Variants in DGAT2 observed in about 807,000 individuals in gnomAD.
DGAT2 encodes the protein diacylglycerol O-acyltransferase 2.
DGAT2 carries 33 observed loss-of-function variants against 48.4 expected under a neutral mutation model. The observed-to-expected ratio is 0.68, with a 90% CI of 0.52 to 0.91. The LOEUF (loss-of-function observed/expected upper bound fraction) is 0.91. Among genes scored for constraint, DGAT2 ranks in the 40% least tolerant of loss-of-function variants. The pLI is 0.00. For synonymous variants in DGAT2, 191 were observed against 194.1 expected (o/e 0.98, Z 0.13); for missense variants, 446 against 493.7 (o/e 0.90, Z 0.92).
chr11:75,797,099 C>G, intron 5 of DGAT2, 59 bp from the exon 6 acceptor site: 7 of 1,417,434 alleles, frequency 4.9e-6, no homozygotes, highest in Non-Finnish European at 6.5e-6. Flanking sequence ...GACTGTGTGC[C>G]GGGGATGGGG....
intron 1 of DGAT2, among the ~76,000 whole-genome samples, chr11:75,782,102 G>GC (rs1414523937): frequency 6.6e-6 from 1 of 152,122 alleles, no homozygotes; most frequent in East Asian, 1.9e-4. Context: ...GGCTTCAGGG[G>GC]CCTGTCTGCA....
chr11:75,772,100 T>C (rs1944763614), intron 1 of DGAT2, among the ~76,000 whole-genome samples: 2 of 152,164 alleles, frequency 1.3e-5, no homozygotes, highest in South Asian at 4.1e-4. Flanking sequence ...AAGGGCTGAG[T>C]GCAGGGCTCT....
At chr11:75,781,295 G>T (rs1944860142) in intron 1 of DGAT2, among the ~76,000 whole-genome samples, 1 of 152,238 alleles carries the variant, frequency 6.6e-6, no homozygotes, top group Non-Finnish European at 1.5e-5. Context: ...TCTGGGTTTT[G>T]AAGGATGTAT....
chr11:75,777,762 G>A (rs1447963617), intron 1 of DGAT2, among the ~76,000 whole-genome samples: 2 of 152,158 alleles, frequency 1.3e-5, no homozygotes, highest in Non-Finnish European at 2.9e-5. Flanking sequence ...GGCGTGAGCT[G>A]CCCACAGTCT....
chr11:75,773,606 C>T (rs1243485905), intron 1 of DGAT2: 3 of 152,260 alleles, frequency 2.0e-5, no homozygotes, highest in Non-Finnish European at 4.4e-5. Context: ...CAGCAGGCCC[C>T]CAACACTGTA....
intron 1 of DGAT2, chr11:75,774,004 G>T (rs922308136): frequency 1.3e-5 from 2 of 152,320 alleles, no homozygotes; most frequent in African/African-American, 4.8e-5. Context: ...GGGCCTCTGA[G>T]TGACCAACTG....
In DGAT2 at chr11:75,769,021, G is replaced by A; in HGVS notation, c.30G>A (p.Gly10=). 1 of 1,575,884 alleles carries A rather than the reference G, an allele frequency of 6.3e-7. No individual in the cohort carries two copies. Among genetic ancestry groups the A allele is most frequent in the Non-Finnish European group, 8.6e-7 (1 of 1,163,636 alleles). Reference sequence around the variant, plus strand: ...AGACCCTCATAGCCGCCTACTCCGGGGTCCTGCGCGGCGAGCGTCAGGCCG... The same window carrying A: ...AGACCCTCATAGCCGCCTACTCCGGAGTCCTGCGCGGCGAGCGTCAGGCCG... MKTLIAAYS[G]VLRGERQAEA... is the part of the protein sequence containing the mutation. Residue 10 remains glycine (G), a synonymous_variant, in exon 1 of 8, where the codon GGG becomes GGA. Transcript: ENST00000228027.
chr11:75,770,214 T>C (rs562253769), intron 1 of DGAT2, among the ~76,000 whole-genome samples: 3 of 152,360 alleles, frequency 2.0e-5, no homozygotes, highest in Non-Finnish European at 4.4e-5. Context: ...GTTTCCCTTC[T>C]GTTAATCAGA....
intron 4 of DGAT2, chr11:75,795,977 T>G: frequency 4.3e-6 from 1 of 230,392 alleles, no homozygotes; most frequent in Non-Finnish European, 8.7e-6. Flanking sequence ...GGATTTGAGT[T>G]TTAGAATAAT....
chr11:75,789,098 T>C (rs1944955227), intron 2 of DGAT2, among the ~76,000 whole-genome samples: 1 of 151,710 alleles, frequency 6.6e-6, no homozygotes, highest in Admixed American at 6.6e-5. Flanking sequence ...CAGAACATGG[T>C]GACCAGTGGA....
Position 75,801,050 on chromosome 11 carries a change from C to G in DGAT2, c.*542C>G, listed in dbSNP as rs1283615370. On this transcript the variant is annotated 3_prime_UTR_variant, in exon 8 of 8. Coordinates refer to ENST00000228027, the MANE Select transcript of DGAT2 (RefSeq NM_032564.5). ...TTTGATCTCCCTTCTGCCACCCCTA[C>G]CTCACCCCTAGTCACTCATATCGGA... 1 of 156,946 alleles carries G rather than the reference C, an allele frequency of 6.4e-6. No homozygotes were observed. Among genetic ancestry groups the G allele is most frequent in the African/African-American group, 2.4e-5 (1 of 41,462 alleles). 9.7% of individuals were successfully genotyped at this position (156,946 alleles called of 1,614,324 possible).
chr11:75,775,772 C>T (rs1472550874), intron 1 of DGAT2: 1 of 152,336 alleles, frequency 6.6e-6, no homozygotes, highest in South Asian at 2.1e-4. Flanking sequence ...CTTCTGGGAT[C>T]CTGCCCCTGT....
At chr11:75,784,137 A>G (rs1944896296) in intron 1 of DGAT2, among the ~76,000 whole-genome samples, 1 of 152,072 alleles carries the variant, frequency 6.6e-6, no homozygotes, top group Admixed American at 6.5e-5. Context: ...CAGAGCAGGG[A>G]TTGGGGATGC....
chr11:75,783,073 G>A (rs1052064961), intron 1 of DGAT2, among the ~76,000 whole-genome samples: 4 of 152,196 alleles, frequency 2.6e-5, no homozygotes, highest in African/African-American at 9.7e-5. Flanking sequence ...TGGCTCTATG[G>A]CCCAGCCTCT....
intron 7 of DGAT2, among the ~76,000 whole-genome samples, 179 bp from the exon 8 acceptor site, chr11:75,800,175 C>T (rs928997853): frequency 5.9e-5 from 9 of 152,168 alleles, no homozygotes; most frequent in African/African-American, 1.9e-4. Flanking sequence ...TTCACATGCC[C>T]CTGGGCCTCA....
In DGAT2 at chr11:75,797,329, A is replaced by G. The variant is rs1407056575; in HGVS notation, c.806A>G (p.His269Arg). ...GGCTTTGTGAAACTGGCCCTGCGTC[A>G]TGGGTGAGTGCCTCCCTACACACAC... ...RKGFVKLALR[H>R]GADLVPIYSF... The change falls in exon 6 of 8, where the codon CAT becomes CGT. Residue 269 changes from histidine (H) to arginine (R), a missense_variant. By Grantham distance (29) the His-to-Arg change is conservative. Transcript: ENST00000228027. 2.0e-6 allele frequency: 3 copies of G among 1,490,498 alleles called. No individual in the cohort carries two copies. The South Asian group carries it at 4.1e-5, about 21-fold the overall frequency. 92.3% of individuals were successfully genotyped at this position (1,490,498 alleles called of 1,614,324 possible). A position where few individuals can be genotyped will look rare whatever the true frequency, so the allele number is the denominator to read the frequency against.
chr11:75,790,765 G>A (rs773017004), intron 4 of DGAT2, 34 bp downstream of exon 4: 6 of 1,608,818 alleles, frequency 3.7e-6, no homozygotes, highest in Admixed American at 1.7e-5. Context: ...TGGGAGGGTG[G>A]GAATGGATGG....
At chr11:75,778,742 G>A (rs1190719436) in intron 1 of DGAT2, among the ~76,000 whole-genome samples, 1 of 150,614 alleles carries the variant, frequency 6.6e-6, no homozygotes, top group Non-Finnish European at 1.5e-5. Context: ...GCTGAGGCAG[G>A]AGAATGGAGT....
At chr11:75,776,123 G>C (rs542440077) in intron 1 of DGAT2, 4 of 152,320 alleles carry the variant, frequency 2.6e-5, no homozygotes, top group African/African-American at 9.6e-5. Flanking sequence ...CCTCCAGCTG[G>C]AGAAGACCTT....
Sources: allele counts gnomAD v4.1 joint callset (sites outside exome capture counted in the v4.1 genomes callset), GRCh38; gene constraint gnomAD v4.1.1; transcripts MANE v1.5; gene names NCBI Gene and HGNC (gene_info 2026-07-23, HGNC 2026-07-21).